The following TPRG1 variants were observed in gnomAD, a reference collection of about 807,000 sequenced individuals.
TPRG1 encodes tumor protein p63 regulated 1, also known as tumor protein p63-regulated gene 1 protein.
Under a neutral mutation model 29.3 loss-of-function variants are expected in TPRG1, and 29 were observed. The ratio of observed to expected loss-of-function variants is 0.99; its 90% CI spans 0.74 to 1.35. The LOEUF (loss-of-function observed/expected upper bound fraction) is 1.35. Ranked by LOEUF, TPRG1 falls within the 40% of genes most tolerant of loss-of-function variation. The probability of loss-of-function intolerance (pLI) is 0.00; values close to 1 mark genes in which losing one functional copy is unlikely to be tolerated. For missense variants in TPRG1, 327 were observed against 335.0 expected (o/e 0.98, Z 0.19); for synonymous variants, 130 against 116.8 (o/e 1.11, Z -0.73).
At chr3:189,226,509 G>A (rs1048638769) in intron 3 of TPRG1, among the ~76,000 whole-genome samples, 3 of 152,018 alleles carry the variant, frequency 2.0e-5, no homozygotes, top group Admixed American at 6.6e-5. Context: ...TGTGTGGGAC[G>A]CAGCGAAAAC....
chr3:189,204,976 C>CAT (rs1163780094), intron 1 of TPRG1, among the ~76,000 whole-genome samples: 2 of 150,010 alleles, frequency 1.3e-5, no homozygotes, highest in African/African-American at 4.9e-5. Context: ...CACACACACA[C>CAT]ATACACTCTT....
chr3:189,217,692 G>A (rs988987078), intron 3 of TPRG1, among the ~76,000 whole-genome samples: 3 of 152,136 alleles, frequency 2.0e-5, no homozygotes, highest in South Asian at 4.1e-4. Flanking sequence ...AATGGAAAGC[G>A]CTGCTAGTTG....
At chr3:189,277,671 G>T (rs1401024693) in intron 4 of TPRG1, among the ~76,000 whole-genome samples, 2 of 151,994 alleles carry the variant, frequency 1.3e-5, no homozygotes, top group Admixed American at 6.6e-5. Flanking sequence ...GATAATTGTT[G>T]GAATTATGTA....
intron 4 of TPRG1, among the ~76,000 whole-genome samples, chr3:189,276,822 G>A (rs1462322972): frequency 6.6e-6 from 1 of 152,046 alleles, no homozygotes; most frequent in African/African-American, 2.4e-5. Context: ...GCTTCCTTGG[G>A]AAGAGACCAA....
At chr3:189,032,305 G>A (rs931216858) in intron 4 of TPRG1, among the ~76,000 whole-genome samples, 1 of 152,144 alleles carries the variant, frequency 6.6e-6, no homozygotes, top group Non-Finnish European at 1.5e-5. Context: ...ACTGGAAAAA[G>A]CAGGGAAACA....
chr3:189,023,349 G>A (rs1713474657), intron 3 of TPRG1, among the ~76,000 whole-genome samples: 1 of 152,174 alleles, frequency 6.6e-6, no homozygotes, highest in South Asian at 2.1e-4. Context: ...GCTCTATCAG[G>A]TCAGTTATTT....
At chr3:189,215,887 A>AT (rs1735994192) in intron 3 of TPRG1, among the ~76,000 whole-genome samples, 1 of 152,210 alleles carries the variant, frequency 6.6e-6, no homozygotes, top group Non-Finnish European at 1.5e-5. Flanking sequence ...CAGAGTTAGG[A>AT]TAAAAACCAA....
chr3:189,268,663 A>T (rs1432831432), intron 4 of TPRG1, among the ~76,000 whole-genome samples: 1 of 152,218 alleles, frequency 6.6e-6, no homozygotes, highest in African/African-American at 2.4e-5. Flanking sequence ...ATGACAAGAA[A>T]GCTCATCAAT....
At chr3:189,295,943 G>C (rs190617719) in intron 4 of TPRG1, among the ~76,000 whole-genome samples, 199 of 148,158 alleles carry the variant, frequency 1.3e-3, no homozygotes, top group Non-Finnish European at 2.4e-3. Flanking sequence ...CATTTAGACT[G>C]TTTCTTAAGC....
chr3:189,256,940 G>A (rs552613357), intron 4 of TPRG1, among the ~76,000 whole-genome samples: 5 of 152,126 alleles, frequency 3.3e-5, no homozygotes, highest in Admixed American at 1.3e-4. Context: ...CATACTGATG[G>A]GTCTTGAATC....
chr3:189,244,370 G>C (rs1741070589), intron 4 of TPRG1, among the ~76,000 whole-genome samples: 1 of 152,044 alleles, frequency 6.6e-6, no homozygotes, highest in African/African-American at 2.4e-5. Context: ...AGTGAGCCAA[G>C]ATCGAGCCAC....
chr3:189,119,677 C>T (rs893484124), intron 1 of TPRG1, among the ~76,000 whole-genome samples: 2 of 152,162 alleles, frequency 1.3e-5, no homozygotes, highest in African/African-American at 2.4e-5. Context: ...AGGAACATTT[C>T]CCTGTTTGCT....
At chr3:189,102,712 C>T (rs1719347765) in intron 1 of TPRG1, among the ~76,000 whole-genome samples, 1 of 152,164 alleles carries the variant, frequency 6.6e-6, no homozygotes, top group Non-Finnish European at 1.5e-5. Flanking sequence ...TTAAATTCTT[C>T]CATGGTTCCC....
At chr3:189,227,431 T>C (rs918352470) in intron 3 of TPRG1, among the ~76,000 whole-genome samples, 1 of 152,194 alleles carries the variant, frequency 6.6e-6, no homozygotes, top group Non-Finnish European at 1.5e-5. Context: ...AGGGCTTTGC[T>C]CAGTGTGGCA....
At chr3:189,310,604 A>G (rs1329915130) in intron 5 of TPRG1, 65 bp downstream of exon 5, 8 of 1,129,678 alleles carry the variant, frequency 7.1e-6, no homozygotes, top group African/African-American at 1.6e-5. Context: ...GCTTCTAGGG[A>G]CGTGTACTCC....
At chr3:189,137,638 G>T (rs1257637075) in intron 3 of TPRG1, among the ~76,000 whole-genome samples, 1 of 152,034 alleles carries the variant, frequency 6.6e-6, no homozygotes, top group Non-Finnish European at 1.5e-5. Flanking sequence ...CTTTCTTGGG[G>T]GTCCCAGTAG....
chr3:189,083,268 C>T (rs1717721998), intron 4 of TPRG1, among the ~76,000 whole-genome samples: 1 of 152,142 alleles, frequency 6.6e-6, no homozygotes, highest in Admixed American at 6.5e-5. Context: ...GAAACTTTGA[C>T]CACTCTGGCA....
chr3:189,156,565 G>A (rs553711112), intron 5 of TPRG1, among the ~76,000 whole-genome samples: 6 of 152,130 alleles, frequency 3.9e-5, no homozygotes, highest in Non-Finnish European at 8.8e-5. Flanking sequence ...ACTTGTTTGG[G>A]GTGAATTTAA....
chr3:189,169,408 G>A (rs1256276328), upstream of TPRG1, among the ~76,000 whole-genome samples: 8 of 152,166 alleles, frequency 5.3e-5, no homozygotes, highest in African/African-American at 1.9e-4. Flanking sequence ...CAGATGATCC[G>A]CTCACCTCGG....
Sources: allele counts gnomAD v4.1 joint callset (sites outside exome capture counted in the v4.1 genomes callset), GRCh38; gene constraint gnomAD v4.1.1; transcripts MANE v1.5; gene names NCBI Gene and HGNC (gene_info 2026-07-23, HGNC 2026-07-21).